ILRUN: variants seen among roughly 807,000 people sequenced by gnomAD.
ILRUN encodes protein ILRUN.
In ILRUN, 3 loss-of-function variants were observed where a neutral mutation model predicts 33.8. The observed-to-expected ratio is 0.09, with a 90% confidence interval of 0.04 to 0.23. The LOEUF (loss-of-function observed/expected upper bound fraction) is 0.23, where lower values mean the gene tolerates loss of function less well. Ranked by LOEUF, ILRUN falls within the 10% of genes least tolerant of loss-of-function variation. The pLI is 1.00. For synonymous variants in ILRUN, 124 were observed against 138.9 expected (o/e 0.89, Z 0.75); for missense variants, 210 against 375.1 (o/e 0.56, Z 3.64).
At chr6:34,656,708 T>C (rs975043134) in intron 1 of ILRUN, among the ~76,000 whole-genome samples, 11 of 152,202 alleles carry the variant, frequency 7.2e-5, no homozygotes, top group African/African-American at 2.4e-4. Flanking sequence ...TAATTTTCTG[T>C]TGGGGGCCTG....
chr6:34,674,911 CA>C (rs937327855), intron 1 of ILRUN, among the ~76,000 whole-genome samples: 2 of 152,102 alleles, frequency 1.3e-5, no homozygotes, highest in East Asian at 3.9e-4. Flanking sequence ...CACATACACA[CA>C]AAAAAATTTT....
At chr6:34,619,968 G>A (rs1309748763) in intron 3 of ILRUN, among the ~76,000 whole-genome samples, 1 of 133,814 alleles carries the variant, frequency 7.5e-6, no homozygotes, top group African/African-American at 2.9e-5. Context: ...CTGGGTGACA[G>A]AGCAAGACTC....
At chr6:34,640,989 G>T (rs1022242202) in intron 3 of ILRUN, among the ~76,000 whole-genome samples, 1 of 144,362 alleles carries the variant, frequency 6.9e-6, no homozygotes, top group African/African-American at 2.6e-5. Context: ...TGAGGCAAGA[G>T]AATCGCTTGA....
intron 2 of ILRUN, among the ~76,000 whole-genome samples, chr6:34,647,356 G>A (rs1391802746): frequency 6.6e-6 from 1 of 152,114 alleles, no homozygotes; most frequent in Non-Finnish European, 1.5e-5. Flanking sequence ...AAGAGCTCAA[G>A]AGACCACATG....
intron 1 of ILRUN, among the ~76,000 whole-genome samples, chr6:34,677,105 A>G (rs1763252326): frequency 6.6e-6 from 1 of 152,156 alleles, no homozygotes; most frequent in African/African-American, 2.4e-5. Flanking sequence ...TCAGGAGTTC[A>G]AGACCAGCCT....
intron 3 of ILRUN, among the ~76,000 whole-genome samples, chr6:34,610,997 G>T (rs1761735816): frequency 6.6e-6 from 1 of 151,848 alleles, no homozygotes; most frequent in South Asian, 2.1e-4. Context: ...GATCACTTGA[G>T]CCCAGGAGTT....
rs1763786067 is a variant in ILRUN at position 34,696,659 on chromosome 6, C to T, written c.-56G>A. ...CTTCACAACCAAGCCGCCGCCGCGC[C>T]GCCGGGCCCGGGGACCTGGAGGGGG... On this transcript the variant is annotated 5_prime_UTR_variant, in exon 1 of 5. Coordinates refer to ENST00000374023, the MANE Select transcript of ILRUN (RefSeq NM_024294.4). 1 of 1,563,442 alleles carries T rather than the reference C, an allele frequency of 6.4e-7. No homozygotes were observed. The highest frequency in any genetic ancestry group is 8.6e-7 in the Non-Finnish European group (1 of 1,159,858).
intron 1 of ILRUN, among the ~76,000 whole-genome samples, chr6:34,682,606 T>A (rs549556014): frequency 6.6e-6 from 1 of 152,068 alleles, no homozygotes; most frequent in Non-Finnish European, 1.5e-5. Flanking sequence ...CCCAAGTAGC[T>A]GGGACTACAA....
chr6:34,660,781 C>T (rs1406405144), intron 1 of ILRUN, among the ~76,000 whole-genome samples: 1 of 152,134 alleles, frequency 6.6e-6, no homozygotes, highest in Non-Finnish European at 1.5e-5. Context: ...ACATTACATA[C>T]TTGTAACTAC....
At chr6:34,612,416 A>AAAT (rs1288433566) in intron 3 of ILRUN, among the ~76,000 whole-genome samples, 1 of 152,120 alleles carries the variant, frequency 6.6e-6, no homozygotes, top group Non-Finnish European at 1.5e-5. Flanking sequence ...CTGTCTCAAA[A>AAAT]AATAATAATA....
At chr6:34,684,064 C>A (rs1429800270) in intron 1 of ILRUN, among the ~76,000 whole-genome samples, 1 of 151,880 alleles carries the variant, frequency 6.6e-6, no homozygotes, top group African/African-American at 2.4e-5. Context: ...GGTGACAGAG[C>A]TCTGTACCCC....
intron 3 of ILRUN, among the ~76,000 whole-genome samples, chr6:34,633,374 T>C (rs1762286364): frequency 1.3e-5 from 2 of 152,132 alleles, no homozygotes; most frequent in African/African-American, 2.4e-5. Flanking sequence ...CAGATAGAAC[T>C]AGTAAACAAC....
intron 4 of ILRUN, chr6:34,595,684 A>C (rs551603194): frequency 1.1e-4 from 98 of 867,646 alleles, no homozygotes; most frequent in Non-Finnish European, 1.1e-4. Flanking sequence ...TGTTGTTTAG[A>C]TAAATTACCA....
Position 34,610,618 on chromosome 6 carries a change from T to A in ILRUN, c.512-3714A>T, listed in dbSNP as rs181359692. 8.3e-4 allele frequency among the ~76,000 whole-genome samples: 127 copies of A among 152,338 alleles called. 1 individual carries two copies. Among genetic ancestry groups the A allele is most frequent in the African/African-American group, 2.8e-3 (116 of 41,576 alleles). On this transcript the variant is annotated intron_variant, in intron 3 of 4. Transcript: ENST00000374023. ...TTGGATTAGGGATGATGAACTGATA[T>A]AATGCAAATATTCAAAAATCCAAAA...
chr6:34,665,089 A>G (rs1762964863), intron 1 of ILRUN, among the ~76,000 whole-genome samples: 1 of 150,424 alleles, frequency 6.6e-6, no homozygotes, highest in South Asian at 2.1e-4. Flanking sequence ...TCCTGCCTCA[A>G]CCTCCCAAGT....
chr6:34,616,338 T>TC (rs1265843269), intron 3 of ILRUN, among the ~76,000 whole-genome samples: 2 of 152,120 alleles, frequency 1.3e-5, no homozygotes, highest in African/African-American at 2.4e-5. Context: ...ACTTCACACT[T>TC]CCCCTAAGGA....
intron 1 of ILRUN, among the ~76,000 whole-genome samples, chr6:34,687,708 A>AAAAATAT (rs1554190347): frequency 7.0e-6 from 1 of 143,340 alleles, no homozygotes; most frequent in African/African-American, 2.7e-5. Context: ...CAAAAAAAAA[A>AAAAATAT]ATATATATAT....
intron 4 of ILRUN, among the ~76,000 whole-genome samples, chr6:34,591,768 T>C (rs927431373): frequency 2.0e-5 from 3 of 152,042 alleles, no homozygotes; most frequent in African/African-American, 4.8e-5. Flanking sequence ...GGATTACAGG[T>C]GTGAGCCACC....
chr6:34,682,326 C>T (rs1371878416), intron 1 of ILRUN, among the ~76,000 whole-genome samples: 1 of 147,270 alleles, frequency 6.8e-6, no homozygotes. Context: ...GGCGCGATCT[C>T]GGCCCACTGC....
Sources: allele counts gnomAD v4.1 joint callset (sites outside exome capture counted in the v4.1 genomes callset), GRCh38; gene constraint gnomAD v4.1.1; transcripts MANE v1.5; gene names NCBI Gene and HGNC (gene_info 2026-07-23, HGNC 2026-07-21).